Variants in OPCML observed in about 807,000 individuals in gnomAD.
OPCML encodes opioid-binding protein/cell adhesion molecule.
OPCML carries 13 observed loss-of-function variants against 37.8 expected under a neutral mutation model. The ratio of observed to expected loss-of-function variants is 0.34; its 90% CI spans 0.22 to 0.55. The LOEUF (loss-of-function observed/expected upper bound fraction) is 0.55. Ranked by LOEUF, OPCML falls within the 20% of genes least tolerant of loss-of-function variation. The probability of loss-of-function intolerance (pLI) is 0.91; values close to 1 mark genes in which losing one functional copy is unlikely to be tolerated. For synonymous variants in OPCML, 176 were observed against 168.8 expected (o/e 1.04, Z -0.33); for missense variants, 341 against 435.6 (o/e 0.78, Z 1.93).
At chr11:132,670,662 T>C (rs1942433250) in intron 2 of OPCML, among the ~76,000 whole-genome samples, 1 of 152,178 alleles carries the variant, frequency 6.6e-6, no homozygotes, top group African/African-American at 2.4e-5. Flanking sequence ...TGAATATCAG[T>C]TTTCTCATTT....
At chr11:132,714,436 A>G (rs505350) in intron 2 of OPCML, among the ~76,000 whole-genome samples, 39,498 of 152,122 alleles carry the variant, frequency 0.26, 6,711 homozygotes, top group African/African-American at 0.46. Context: ...TTAAAACCCC[A>G]GAAGATGCTT....
chr11:132,570,804 T>TATAGAGAGAGAGAG (rs2096436416), intron 3 of OPCML, among the ~76,000 whole-genome samples: 1 of 90,760 alleles, frequency 1.1e-5, no homozygotes, highest in African/African-American at 5.0e-5. Flanking sequence ...TATATATATT[T>TATAGAGAGAGAGAG]AGAGAGAGAG....
At chr11:133,291,901 T>C (rs1942488290) in intron 1 of OPCML, among the ~76,000 whole-genome samples, 2 of 152,232 alleles carry the variant, frequency 1.3e-5, no homozygotes, top group Admixed American at 6.5e-5. Flanking sequence ...CCGGCTTGTG[T>C]GTGAGAAGCC....
chr11:132,436,935 GA>G (rs1174957575), intron 5 of OPCML, 156 bp from the exon 6 acceptor site: 2 of 983,104 alleles, frequency 2.0e-6, no homozygotes, highest in Non-Finnish European at 2.4e-6. Flanking sequence ...TTTATTTCAG[GA>G]AAAATAAGCT....
intron 1 of OPCML, chr11:133,009,090 G>C: frequency 1.0e-6 from 1 of 985,352 alleles, no homozygotes; most frequent in South Asian, 4.7e-5. Flanking sequence ...GGCAGGTTTA[G>C]TGAGATTAAA....
intron 3 of OPCML, among the ~76,000 whole-genome samples, chr11:132,642,061 T>C (rs564836234): frequency 1.3e-5 from 2 of 152,334 alleles, no homozygotes; most frequent in African/African-American, 4.8e-5. Context: ...GGGAAATTCA[T>C]TACCAATGAA....
intron 2 of OPCML, among the ~76,000 whole-genome samples, chr11:132,761,976 C>T (rs1946281569): frequency 6.6e-6 from 1 of 152,076 alleles, no homozygotes; most frequent in Admixed American, 6.5e-5. Flanking sequence ...ATGTTGGTGA[C>T]CTTTGGATGG....
chr11:132,550,264 A>G (rs1175716959), intron 3 of OPCML, among the ~76,000 whole-genome samples: 1 of 152,194 alleles, frequency 6.6e-6, no homozygotes, highest in African/African-American at 2.4e-5. Context: ...CTCATGTTGA[A>G]TTGTAATCCC....
At chr11:132,795,345 T>A (rs2075084349) in intron 2 of OPCML, among the ~76,000 whole-genome samples, 1 of 152,220 alleles carries the variant, frequency 6.6e-6, no homozygotes, top group Non-Finnish European at 1.5e-5. Context: ...TGGACTAGCT[T>A]TATTAAGACA....
At chr11:132,576,029 T>G (rs976436018) in intron 3 of OPCML, among the ~76,000 whole-genome samples, 2 of 152,136 alleles carry the variant, frequency 1.3e-5, no homozygotes, top group Admixed American at 1.3e-4. Context: ...GTTTTTTACA[T>G]ACAAGGAATT....
In OPCML at chr11:132,436,743, A is replaced by G. The variant is rs370420226; in HGVS notation, c.680T>C (p.Val227Ala). ...CAGGATGCCCTTCTGACCGACTGAA[A>G]CACCAGTGTTCTTGGCTTTTGAGAT... ...PYISKAKNTG[V>A]SVGQKGILSC... The change falls in exon 6 of 8, where the codon GTT becomes GCT. Residue 227 changes from valine (V) to alanine (A), a missense_variant. Physicochemically the swap from Val to Ala is moderately conservative, Grantham distance 64. Coordinates refer to ENST00000524381, the MANE Select transcript of OPCML (RefSeq NM_001012393.5). The G allele has an allele frequency of 2.8e-5, 45 of 1,613,946 alleles. No homozygotes were observed. Among genetic ancestry groups the G allele is most frequent in the Non-Finnish European group, 3.6e-5 (43 of 1,180,024 alleles).
chr11:132,668,348 G>A (rs954621549), intron 2 of OPCML, among the ~76,000 whole-genome samples: 3 of 152,210 alleles, frequency 2.0e-5, no homozygotes, highest in African/African-American at 7.2e-5. Flanking sequence ...TGGTGTTCAG[G>A]AGAATGCCTG....
At chr11:133,417,852 A>G (rs1945802028) in intron 1 of OPCML, among the ~76,000 whole-genome samples, 1 of 152,196 alleles carries the variant, frequency 6.6e-6, no homozygotes, top group Admixed American at 6.6e-5. Flanking sequence ...AAAAGTGGTA[A>G]TTGAGGTCCA....
chr11:133,015,874 A>G (rs1477214214), intron 1 of OPCML, among the ~76,000 whole-genome samples: 2 of 152,100 alleles, frequency 1.3e-5, no homozygotes, highest in South Asian at 2.1e-4. Context: ...AACAAATCCT[A>G]TGCCTCCTCC....
At chr11:132,598,271 G>A (rs1396769227) in intron 3 of OPCML, among the ~76,000 whole-genome samples, 1 of 152,056 alleles carries the variant, frequency 6.6e-6, no homozygotes, top group Non-Finnish European at 1.5e-5. Context: ...TTTGGTATGT[G>A]TCTGTTTCAC....
At chr11:133,310,415 G>T (rs141566799) in intron 1 of OPCML, among the ~76,000 whole-genome samples, 2 of 152,006 alleles carry the variant, frequency 1.3e-5, no homozygotes, top group Non-Finnish European at 2.9e-5. Flanking sequence ...TATTTAAAAG[G>T]CATTTCCCTT....
At chr11:132,816,137 C>G (rs1000790556) in intron 2 of OPCML, among the ~76,000 whole-genome samples, 2 of 152,194 alleles carry the variant, frequency 1.3e-5, no homozygotes, top group Non-Finnish European at 2.9e-5. Flanking sequence ...GACTCAGAGG[C>G]TTTCTAAGCA....
intron 1 of OPCML, among the ~76,000 whole-genome samples, chr11:133,075,788 C>T (rs966489445): frequency 2.0e-5 from 3 of 152,216 alleles, no homozygotes; most frequent in Non-Finnish European, 2.9e-5. Context: ...AGACCCAGGC[C>T]TAGGGGACCT....
intron 2 of OPCML, among the ~76,000 whole-genome samples, chr11:132,906,244 G>A (rs1293369048): frequency 6.6e-6 from 1 of 152,146 alleles, no homozygotes; most frequent in Non-Finnish European, 1.5e-5. Flanking sequence ...AGGACCCATG[G>A]GGCAGGTTCT....
Sources: allele counts gnomAD v4.1 joint callset (sites outside exome capture counted in the v4.1 genomes callset), GRCh38; gene constraint gnomAD v4.1.1; transcripts MANE v1.5; gene names NCBI Gene and HGNC (gene_info 2026-07-23, HGNC 2026-07-21).